The following VAV2 variants were observed in gnomAD, a reference collection of about 807,000 sequenced individuals.
VAV2 encodes vav guanine nucleotide exchange factor 2.
VAV2 carries 67 observed loss-of-function variants against 132.5 expected under a neutral mutation model. That is an observed-to-expected ratio of 0.51 (90% CI 0.42 to 0.62). VAV2 has a LOEUF of 0.62. Ranked by LOEUF, VAV2 falls within the 20% of genes least tolerant of loss-of-function variation. The pLI, the probability that VAV2 is intolerant of heterozygous loss-of-function variation, is 0.00. For synonymous variants in VAV2, 492 were observed against 443.5 expected, an observed-to-expected ratio of 1.11 and a Z score of -1.37; for missense variants, 938 against 1,153.6, an observed-to-expected ratio of 0.81 and a Z score of 2.71.
At chr9:133,948,728 TC>T in intron 1 of VAV2, among the ~76,000 whole-genome samples, 1 of 152,298 alleles carries the variant, frequency 6.6e-6, no homozygotes, top group East Asian at 1.9e-4. Context: ...TTCCACTTTC[TC>T]CCATAACAAA....
chr9:133,967,813 G>C (rs1187826955), intron 1 of VAV2, among the ~76,000 whole-genome samples: 4 of 151,536 alleles, frequency 2.6e-5, no homozygotes, highest in African/African-American at 7.3e-5. Flanking sequence ...TGCACCTGTA[G>C]TACCAGCTAC....
At position 133,804,282 on chromosome 9, in the gene VAV2, C is replaced by T. The variant is rs1835050729; in HGVS notation, c.836+1799G>A. Among the ~76,000 whole-genome samples the T allele has an allele frequency of 6.6e-6, 1 of 152,244 alleles. No homozygotes were observed. The highest frequency in any genetic ancestry group is 1.5e-5 in the Non-Finnish European group (1 of 68,040). ...AGCTCTGATGAAACGCTGACAGCCC[C>T]TTCCCCAAACAGACCCCGACTGACG... On this transcript the variant is annotated intron_variant, in intron 9 of 29. Coordinates refer to ENST00000371850, the MANE Select transcript of VAV2 (RefSeq NM_001134398.2). The surrounding 1 kb of genome is among the most constrained non-coding windows in gnomAD (Gnocchi z 4.5).
At chr9:133,954,710 A>G (rs1841689392) in intron 1 of VAV2, among the ~76,000 whole-genome samples, 1 of 152,192 alleles carries the variant, frequency 6.6e-6, no homozygotes, top group African/African-American at 2.4e-5. Flanking sequence ...GTGCCCATGC[A>G]CATACATGTG....
rs549250522 is a variant in VAV2, at chr9:133,943,215, C to T, written c.205-3996G>A. ...TGGCCTGGTTTGCAAGGTCTGTGGT[C>T]GCTCTGGAGCCAATCAGAGCCTCAA... On this transcript the variant is annotated intron_variant, in intron 1 of 29. Transcript: ENST00000371850. 2.0e-5 allele frequency among the ~76,000 whole-genome samples: 3 copies of T among 152,168 alleles called. 1 individual carries two copies. Among genetic ancestry groups the T allele is most frequent in the South Asian group, 4.1e-4 (2 of 4,826 alleles).
chr9:133,942,116 C>A (rs520308), intron 1 of VAV2, among the ~76,000 whole-genome samples: 2 of 152,124 alleles, frequency 1.3e-5, no homozygotes, highest in South Asian at 4.1e-4. Context: ...AGAGGAAAAC[C>A]GGAGAAGACA....
intron 1 of VAV2, among the ~76,000 whole-genome samples, chr9:133,982,659 G>A (rs1211149565): frequency 6.6e-6 from 1 of 152,160 alleles, no homozygotes; most frequent in Non-Finnish European, 1.5e-5. Context: ...ACCTGGTTTT[G>A]CAGGGCGCGC....
chr9:133,852,356 G>A (rs1386687925), intron 3 of VAV2, among the ~76,000 whole-genome samples: 1 of 149,118 alleles, frequency 6.7e-6, no homozygotes, highest in Non-Finnish European at 1.5e-5. Context: ...AGATAAGTGA[G>A]TAGACAGAAG....
chr9:133,913,394 G>A (rs4744536), intron 2 of VAV2, among the ~76,000 whole-genome samples: 5,971 of 152,320 alleles, frequency 0.039, 304 homozygotes, highest in African/African-American at 0.12. Flanking sequence ...CTACACCAGC[G>A]AGAAGAAGAA....
chr9:133,872,806 C>T (rs1014683557), intron 2 of VAV2, among the ~76,000 whole-genome samples: 3 of 151,890 alleles, frequency 2.0e-5, no homozygotes, highest in Admixed American at 6.6e-5. Flanking sequence ...GCTCAAGAAG[C>T]GGGGCAGATG....
chr9:133,872,534 C>A (rs1165710507), intron 2 of VAV2, among the ~76,000 whole-genome samples: 3 of 143,174 alleles, frequency 2.1e-5, no homozygotes, highest in Admixed American at 2.0e-4. Context: ...GTCCTAGGCC[C>A]AGTTCCCGAC....
chr9:133,814,177 T>C (rs1835466927), intron 4 of VAV2, among the ~76,000 whole-genome samples: 1 of 152,026 alleles, frequency 6.6e-6, no homozygotes, highest in African/African-American at 2.4e-5. Context: ...AGCTCACAGG[T>C]TTTCTTACTA....
chr9:133,959,358 A>G (rs2789858), intron 1 of VAV2, among the ~76,000 whole-genome samples: 100,220 of 151,972 alleles, frequency 0.66, 33,189 homozygotes, highest in East Asian at 0.79. Flanking sequence ...GGGCTTCCCC[A>G]ACGGTGACCT....
intron 7 of VAV2, among the ~76,000 whole-genome samples, 189 bp from the exon 8 acceptor site, chr9:133,807,515 C>T (rs552054621): frequency 1.3e-5 from 2 of 152,172 alleles, no homozygotes; most frequent in East Asian, 3.9e-4. Flanking sequence ...CAGGAAGGTG[C>T]GGGGGTAAAG....
intron 2 of VAV2, among the ~76,000 whole-genome samples, chr9:133,917,159 G>C (rs55671655): frequency 0.03 from 4,515 of 151,478 alleles, 85 homozygotes; most frequent in Middle Eastern, 0.041. Context: ...CCTAGCCCTA[G>C]AGCTCACTAA....
In VAV2 at chr9:133,883,161, C is replaced by A. The variant is rs1228990259; in HGVS notation, c.322-21729G>T. 6.6e-6 allele frequency among the ~76,000 whole-genome samples: 1 copy of A among 152,236 alleles called. No homozygotes were observed. The highest frequency in any genetic ancestry group is 1.5e-5 in the Non-Finnish European group (1 of 68,044). ...TGGCATGGAAAGTCAAGTCCCTGAG[C>A]CTGCAAAAGACTCGGCTGTCCCCAC... On this transcript the variant is annotated intron_variant, in intron 2 of 29. Coordinates refer to ENST00000371850, the MANE Select transcript of VAV2 (RefSeq NM_001134398.2). The surrounding 1 kb of genome is among the most constrained non-coding windows in gnomAD (Gnocchi z 4.2).
rs1840165076 is a variant in VAV2 at position 133,918,094 on chromosome 9, T to C, written c.321+21009A>G. 6.6e-6 allele frequency among the ~76,000 whole-genome samples: 1 copy of C among 152,166 alleles called. No individual in the cohort carries two copies. The highest frequency in any genetic ancestry group is 2.4e-5 in the African/African-American group (1 of 41,418). On this transcript the variant is annotated intron_variant, in intron 2 of 29. Coordinates refer to ENST00000371850, the MANE Select transcript of VAV2 (RefSeq NM_001134398.2). This position sits in a 1 kb window ranked among gnomAD's most constrained non-coding sequence, Gnocchi z 4.7. Reference sequence around the variant, plus strand: ...ATTGAGACTCTAACACCATTAAACATGATTTAATTTGCTTTTCCTAATGAT... The same window carrying C: ...ATTGAGACTCTAACACCATTAAACACGATTTAATTTGCTTTTCCTAATGAT...
intron 2 of VAV2, among the ~76,000 whole-genome samples, chr9:133,902,927 T>G (rs1046362909): frequency 6.6e-6 from 1 of 151,740 alleles, no homozygotes; most frequent in Non-Finnish European, 1.5e-5. Flanking sequence ...AATACAAAAT[T>G]AGCTGGGTGT....
At chr9:133,946,449 G>C (rs1467197544) in intron 1 of VAV2, among the ~76,000 whole-genome samples, 4 of 152,216 alleles carry the variant, frequency 2.6e-5, no homozygotes, top group Non-Finnish European at 4.4e-5. Flanking sequence ...CAAGCCTCTG[G>C]GTCTTTCTGA....
chr9:133,892,664 C>T (rs962943429), intron 2 of VAV2, among the ~76,000 whole-genome samples: 7 of 152,074 alleles, frequency 4.6e-5, no homozygotes, highest in African/African-American at 7.2e-5. Flanking sequence ...AACTGTCCTT[C>T]GGCTCCAACA....
Sources: allele counts gnomAD v4.1 joint callset (sites outside exome capture counted in the v4.1 genomes callset), GRCh38; gene constraint gnomAD v4.1.1; non-coding constraint Gnocchi (gnomAD v3.1); transcripts MANE v1.5; gene names NCBI Gene and HGNC (gene_info 2026-07-23, HGNC 2026-07-21).